DNAJC10: variants seen among roughly 807,000 people sequenced by gnomAD.
DNAJC10 encodes the protein DnaJ heat shock protein family (Hsp40) member C10, also known as endoplasmic reticulum disulfide reductase DNAJC10.
DNAJC10 carries 101 observed loss-of-function variants against 115.0 expected under a neutral mutation model. The observed-to-expected ratio is 0.88, with a 90% CI of 0.75 to 1.04. DNAJC10 has a LOEUF of 1.04. Among genes scored for constraint, DNAJC10 ranks in the 50% least tolerant of loss-of-function variants. DNAJC10 has a pLI of 0.00. For missense variants in DNAJC10, 981 were observed against 928.8 expected (o/e 1.06, Z -0.73); for synonymous variants, 307 against 301.5 (o/e 1.02, Z -0.19).
Position 182,756,332 on chromosome 2 carries a change from G to C in DNAJC10, c.1672G>C (p.Val558Leu), listed in dbSNP as rs199500215. 104 of 1,613,192 alleles carry C rather than the reference G, an allele frequency of 6.4e-5. 2 individuals are homozygous for C. The East Asian group carries it at 1.8e-3, about 28-fold the overall frequency. ...EFIEDLMNPS[V>L]VSLTPTTFNE... Reference sequence around the variant, plus strand: ...TCTTCAGGATCTTATGAATCCTTCAGTGGTCTCCCTTACACCCACCACCTT... The same window carrying C: ...TCTTCAGGATCTTATGAATCCTTCACTGGTCTCCCTTACACCCACCACCTT... Residue 558 changes from valine (V) to leucine (L), a missense_variant, in exon 18 of 24, where the codon GTG (valine) becomes CTG (leucine). By Grantham distance (32) the Val-to-Leu change is conservative (BLOSUM62 1). Transcript: ENST00000264065.
intron 5 of DNAJC10, among the ~76,000 whole-genome samples, chr2:182,723,893 A>G (rs1293477253): frequency 6.6e-6 from 1 of 152,236 alleles, no homozygotes; most frequent in Non-Finnish European, 1.5e-5. Flanking sequence ...GAGATAATTC[A>G]TAAATAATTA....
intron 5 of DNAJC10, among the ~76,000 whole-genome samples, chr2:182,726,284 T>C (rs182312634): frequency 6.6e-6 from 1 of 152,292 alleles, no homozygotes. Flanking sequence ...ATGATCTCAT[T>C]ATAATATAAT....
chr2:182,748,810 T>A (rs1035566313), intron 14 of DNAJC10, among the ~76,000 whole-genome samples: 1 of 152,188 alleles, frequency 6.6e-6, no homozygotes, highest in African/African-American at 2.4e-5. Flanking sequence ...TAAATTTCCC[T>A]CTACGCACTG....
At chr2:182,730,608 A>C in intron 8 of DNAJC10, 1 of 446,628 alleles carries the variant, frequency 2.2e-6, no homozygotes, top group East Asian at 7.0e-5. Context: ...ACTTCTTGAA[A>C]GAAGTCATAT....
At chr2:182,752,713 CAAAAA>C in intron 16 of DNAJC10, 8 of 163,700 alleles carry the variant, frequency 4.9e-5, no homozygotes, top group Non-Finnish European at 9.2e-5. Context: ...ATACTTTGGG[CAAAAA>C]AAAAAAAAAA....
At chr2:182,745,895 C>A (rs1183040196) in intron 14 of DNAJC10, among the ~76,000 whole-genome samples, 5 of 152,130 alleles carry the variant, frequency 3.3e-5, no homozygotes, top group Non-Finnish European at 5.9e-5. Context: ...CCACTCCCCC[C>A]ACCCCACAAC....
chr2:182,767,523 A>T (rs1460945087), intron 22 of DNAJC10, among the ~76,000 whole-genome samples: 1 of 152,158 alleles, frequency 6.6e-6, no homozygotes, highest in East Asian at 1.9e-4. Flanking sequence ...ACTGTCCCTT[A>T]CTGGGATTCC....
At chr2:182,758,483 A>C (rs1267311190) in intron 19 of DNAJC10, among the ~76,000 whole-genome samples, 1 of 152,190 alleles carries the variant, frequency 6.6e-6, no homozygotes, top group Non-Finnish European at 1.5e-5. Flanking sequence ...AGTTTTTGAC[A>C]TGTGTCTTTA....
chr2:182,733,551 T>G (rs2105630042), intron 10 of DNAJC10, among the ~76,000 whole-genome samples: 1 of 151,920 alleles, frequency 6.6e-6, no homozygotes, highest in East Asian at 1.9e-4. Flanking sequence ...GTGATTGGCC[T>G]ATATTTTTCC....
intron 22 of DNAJC10, among the ~76,000 whole-genome samples, chr2:182,772,682 C>A (rs1694598830): frequency 6.6e-6 from 1 of 151,824 alleles, no homozygotes; most frequent in South Asian, 2.1e-4. Context: ...TTTTGGTTTC[C>A]ATTTGCTTGG....
chr2:182,739,736 T>TC, intron 11 of DNAJC10: 1 of 1,005,194 alleles, frequency 9.9e-7, no homozygotes, highest in Non-Finnish European at 1.2e-6. Flanking sequence ...CTCTAAAAAC[T>TC]CCTAAGTGGT....
At chr2:182,723,241 T>C (rs1693199582) in intron 5 of DNAJC10, among the ~76,000 whole-genome samples, 3 of 152,230 alleles carry the variant, frequency 2.0e-5, no homozygotes, top group African/African-American at 7.2e-5. Flanking sequence ...AGACAGGATT[T>C]CACCATGTTG....
At chr2:182,728,679 C>T (rs752731034) in intron 6 of DNAJC10, 21 bp downstream of exon 6, 17 of 1,590,204 alleles carry the variant, frequency 1.1e-5, no homozygotes, top group Non-Finnish European at 1.4e-5. Flanking sequence ...TTCACATCCT[C>T]ATTACTAGTT....
At position 182,791,926 on chromosome 2, in the gene DNAJC10, T is replaced by C. The variant is rs535528260; in HGVS notation, c.*14794T>C. The stretch of plus-strand genomic sequence containing the variant: ...GTTATGTTTTGCATTTTACAACATA[T>C]TGAAGATACACATTTTAAATTTAAC... On this transcript the variant is annotated 3_prime_UTR_variant, in exon 24 of 24. Transcript: ENST00000264065. 1.2e-3 allele frequency: 184 copies of C among 152,330 alleles called. 1 individual carries two copies. The highest frequency in any genetic ancestry group is 4.2e-3 in the African/African-American group (174 of 41,570). 9.4% of individuals were successfully genotyped at this position (152,330 alleles called of 1,614,324 possible).
At chr2:182,750,756 A>G (rs536253602) in intron 14 of DNAJC10, among the ~76,000 whole-genome samples, 2 of 152,316 alleles carry the variant, frequency 1.3e-5, no homozygotes, top group Admixed American at 6.5e-5. Context: ...ATCTAAATGT[A>G]TCTAAACATA....
chr2:182,779,610 A>G lies in DNAJC10; in HGVS notation c.*2478A>G, dbSNP rs934781460. The G allele has an allele frequency of 1.3e-5, 2 of 152,184 alleles. No homozygotes were observed. Among genetic ancestry groups the G allele is most frequent in the African/African-American group, 4.8e-5 (2 of 41,442 alleles). The allele number at this position is 152,184 out of a possible 1,614,324, so 9.4% of individuals were successfully genotyped here. ...ATAAATTATGTTTTGGGCATTAATG[A>G]TGTTTGTCTATTCTGATTTCTCAAA... is the stretch of plus-strand genomic sequence containing the variant. On this transcript the variant is annotated 3_prime_UTR_variant, in exon 24 of 24. Transcript: ENST00000264065.
chr2:182,736,819 G>A (rs1045461124), intron 11 of DNAJC10, among the ~76,000 whole-genome samples: 1 of 151,958 alleles, frequency 6.6e-6, no homozygotes, highest in Non-Finnish European at 1.5e-5. Flanking sequence ...GCGTGATCTC[G>A]GCTCGGTGCA....
chr2:182,732,554 T>C lies in DNAJC10; in HGVS notation c.849+12T>C, dbSNP rs191382949. On this transcript the variant is annotated intron_variant, in intron 10 of 23. Transcript: ENST00000264065. ...TTAGTGGCATGTTGGTAAGCATCAA[T>C]CATTTTGTAAAACTATATCACCATG... is the stretch of plus-strand genomic sequence containing the variant. The C allele has an allele frequency of 4.8e-4, 768 of 1,612,488 alleles. 6 individuals carry two copies. The highest frequency in any genetic ancestry group is 4.8e-3 in the South Asian group (433 of 90,940).
intron 18 of DNAJC10, 33 bp from the exon 19 acceptor site, chr2:182,757,659 A>T: frequency 6.9e-7 from 1 of 1,441,878 alleles, no homozygotes; most frequent in Non-Finnish European, 9.2e-7. Flanking sequence ...ATATGTAAAA[A>T]GTTATGGAGG....
Sources: gnomAD v4.1 joint callset for allele counts (sites outside exome capture counted in the v4.1 genomes callset) on GRCh38, gnomAD v4.1.1 for gene constraint, MANE v1.5 for transcripts, NCBI Gene and HGNC (gene_info 2026-07-23, HGNC 2026-07-21) for gene names.